PARD6G: variants seen among roughly 807,000 people sequenced by gnomAD.
PARD6G encodes par-6 family cell polarity regulator gamma.
PARD6G carries 7 observed loss-of-function variants against 10.7 expected under a neutral mutation model. The ratio of observed to expected loss-of-function variants is 0.66; its 90% CI spans 0.37 to 1.23. The LOEUF (loss-of-function observed/expected upper bound fraction) is 1.23. Among genes scored for constraint, PARD6G ranks in the 50% most tolerant of loss-of-function variants. The pLI is 0.02. For missense variants in PARD6G, 548 were observed against 571.8 expected (o/e 0.96, Z 0.42); for synonymous variants, 287 against 269.4 (o/e 1.07, Z -0.64).
At chr18:80,224,569 C>A (rs973681314) in intron 1 of PARD6G, among the ~76,000 whole-genome samples, 1 of 152,140 alleles carries the variant, frequency 6.6e-6, no homozygotes, top group Non-Finnish European at 1.5e-5. Flanking sequence ...CGTCCAAGGC[C>A]GGGTGCGGTG....
In PARD6G at chr18:80,231,847, C is replaced by T. The variant is rs1967361352; in HGVS notation, c.72+15430G>A. On this transcript the variant is annotated intron_variant, in intron 1 of 2. Transcript: ENST00000353265. This position sits in a 1 kb window ranked among gnomAD's most constrained non-coding sequence, Gnocchi z 4.2. Reference sequence around the variant, plus strand: ...TGGCTGCCGAGCCCTTCTCAAAAACCCAAAGTTGCAAGCACAGTAAAGGCA... The same window carrying T: ...TGGCTGCCGAGCCCTTCTCAAAAACTCAAAGTTGCAAGCACAGTAAAGGCA... Among the ~76,000 whole-genome samples, 1 of 152,096 alleles carries T rather than the reference C, an allele frequency of 6.6e-6. No individual in the cohort carries two copies.
At position 80,201,899 on chromosome 18, in the gene PARD6G, C is replaced by T. The variant is rs1207911146; in HGVS notation, c.295+811G>A. 6.6e-6 allele frequency: 1 copy of T among 152,262 alleles called. No homozygotes were observed. The highest frequency in any genetic ancestry group is 1.5e-5 in the Non-Finnish European group (1 of 68,070). The allele number at this position is 152,262 out of a possible 1,614,324, so 9.4% of individuals were successfully genotyped here. ...TCAGCCTTTCCTCCGGGAAACCTCT[C>T]CTAGCTGTCCCAGAGACTCTGGCAG... On this transcript the variant is annotated intron_variant, in intron 2 of 2. Transcript: ENST00000353265. The surrounding 1 kb of genome is among the most constrained non-coding windows in gnomAD (Gnocchi z 5.9).
intron 1 of PARD6G, among the ~76,000 whole-genome samples, chr18:80,210,640 C>T (rs563126179): frequency 5.7e-4 from 86 of 152,152 alleles, no homozygotes; most frequent in Non-Finnish European, 1.0e-3. Context: ...CTAATATGAT[C>T]AAAGTTTAAA....
intron 2 of PARD6G, chr18:80,177,972 T>TACACACACACACACACACACACACACAC (rs3028716): frequency 6.6e-6 from 1 of 151,938 alleles, no homozygotes. Flanking sequence ...AGCGTGTGCA[T>TACACACACACACACACACACACACACAC]ACACACACAC....
At position 80,200,677 on chromosome 18, in the gene PARD6G, C is replaced by G. The variant is rs1966999573; in HGVS notation, c.295+2033G>C. Among the ~76,000 whole-genome samples the G allele has an allele frequency of 6.6e-6, 1 of 152,174 alleles. No individual in the cohort carries two copies. The highest frequency in any genetic ancestry group is 2.1e-4 in the South Asian group (1 of 4,822). ...TGAGCCAGCTAGTTAAACTGGGCTA[C>G]TACTCTGAGGGCAGAGGAAGAAGGA... On this transcript the variant is annotated intron_variant, in intron 2 of 2. Transcript: ENST00000353265. This position sits in a 1 kb window ranked among gnomAD's most constrained non-coding sequence, Gnocchi z 4.4.
chr18:80,160,550 G>A lies in PARD6G; in HGVS notation c.352C>T (p.Leu118=). Residue 118 remains leucine (L), a synonymous_variant, in exon 3 of 3, where the codon CTG becomes TTG. Coordinates refer to ENST00000353265, the MANE Select transcript of PARD6G (RefSeq NM_032510.4). ...AGSLCRRRRA[L]GALRDEGPRR... ...GGTCCTTCATCACGCAGCGCGCCCAGCGCCCGCCTCCGCCTGCACAGCGAG... is the reference window on the plus strand; with the variant it reads ...GGTCCTTCATCACGCAGCGCGCCCAACGCCCGCCTCCGCCTGCACAGCGAG... The A allele has an allele frequency of 6.7e-7, 1 of 1,488,760 alleles. No homozygotes were observed. Among genetic ancestry groups the A allele is most frequent in the Non-Finnish European group, 8.9e-7 (1 of 1,122,172 alleles). 92.2% of individuals were successfully genotyped at this position (1,488,760 alleles called of 1,614,324 possible). A position where few individuals can be genotyped will look rare whatever the true frequency, so the allele number is the denominator to read the frequency against.
rs1001986456 is a variant in PARD6G, at chr18:80,188,251, C to A, written c.295+14459G>T. On this transcript the variant is annotated intron_variant, in intron 2 of 2. Coordinates refer to ENST00000353265, the MANE Select transcript of PARD6G (RefSeq NM_032510.4). This position sits in a 1 kb window ranked among gnomAD's most constrained non-coding sequence, Gnocchi z 5.4. Reference sequence around the variant, plus strand: ...GGTCCCATGGCTGGCCCCACCCTGGCCTCTCCCTAAGGGCGTGGAGGTGGC... The same window carrying A: ...GGTCCCATGGCTGGCCCCACCCTGGACTCTCCCTAAGGGCGTGGAGGTGGC... Among the ~76,000 whole-genome samples the A allele has an allele frequency of 2.0e-5, 3 of 152,180 alleles. No individual in the cohort carries two copies. Among genetic ancestry groups the A allele is most frequent in the African/African-American group, 7.2e-5 (3 of 41,438 alleles).
chr18:80,169,567 AC>A (rs2052760727), intron 2 of PARD6G: 1 of 152,208 alleles, frequency 6.6e-6, no homozygotes, highest in African/African-American at 2.4e-5. Context: ...GGTCCTCTTC[AC>A]AGCCACTCCC....
intron 1 of PARD6G, among the ~76,000 whole-genome samples, chr18:80,205,390 C>T (rs1242735394): frequency 6.6e-6 from 1 of 152,186 alleles, no homozygotes. Context: ...TCTCACATAG[C>T]TCATATATAC....
At chr18:80,204,701 C>T (rs1419824890) in intron 1 of PARD6G, among the ~76,000 whole-genome samples, 1 of 151,904 alleles carries the variant, frequency 6.6e-6, no homozygotes, top group African/African-American at 2.4e-5. Context: ...GTAATCCCAG[C>T]AGTTTGGGAG....
chr18:80,234,132 G>A (rs901364970), intron 1 of PARD6G, among the ~76,000 whole-genome samples: 13 of 152,090 alleles, frequency 8.5e-5, no homozygotes, highest in African/African-American at 1.4e-4. Context: ...GTTCAGGCAC[G>A]TTTTCCAAGA....
At chr18:80,236,480 T>C (rs1393049680) in intron 1 of PARD6G, among the ~76,000 whole-genome samples, 1 of 152,136 alleles carries the variant, frequency 6.6e-6, no homozygotes, top group East Asian at 1.9e-4. Context: ...CTATTCAACA[T>C]AGTGTTGGAA....
intron 2 of PARD6G, chr18:80,169,780 G>T (rs1355086603): frequency 6.6e-6 from 1 of 152,244 alleles, no homozygotes; most frequent in Admixed American, 6.5e-5. Context: ...CTTGATTTCA[G>T]GAGATGAGTG....
intron 1 of PARD6G, among the ~76,000 whole-genome samples, chr18:80,232,909 C>T (rs1001752597): frequency 1.3e-5 from 2 of 152,232 alleles, no homozygotes; most frequent in African/African-American, 4.8e-5. Context: ...GCTACCAGCT[C>T]ATGGTGCAGG....
chr18:80,211,579 G>A (rs193130518), intron 1 of PARD6G, among the ~76,000 whole-genome samples: 134 of 152,272 alleles, frequency 8.8e-4, no homozygotes, highest in African/African-American at 3.0e-3. Flanking sequence ...TAAAATAACC[G>A]AAGGTGGAAT....
chr18:80,159,961 T>G lies in PARD6G; in HGVS notation c.941A>C (p.Gln314Pro). The G allele has an allele frequency of 6.7e-7, 1 of 1,496,090 alleles. No homozygotes were observed. The highest frequency in any genetic ancestry group is 8.8e-7 in the Non-Finnish European group (1 of 1,133,196). 92.7% of individuals were successfully genotyped at this position (1,496,090 alleles called of 1,614,324 possible). A position where few individuals can be genotyped will look rare whatever the true frequency, so the allele number is the denominator to read the frequency against. The change falls in exon 3 of 3, where the codon CAG becomes CCG. Residue 314 changes from glutamine (Q) to proline (P), a missense_variant. By Grantham distance (76) the Gln-to-Pro change is moderately conservative. Transcript: ENST00000353265. Reference sequence around the variant, plus strand: ...GCTGCCTGCGGGCGCGCCCGGGGTCTGGGGGGGACGTGCAGGCTCCAGTGT... The same window carrying G: ...GCTGCCTGCGGGCGCGCCCGGGGTCGGGGGGGGACGTGCAGGCTCCAGTGT... The part of the protein sequence containing the change: ...EGTLEPARPP[Q>P]TPGAPAGSLS...
intron 1 of PARD6G, among the ~76,000 whole-genome samples, chr18:80,224,981 C>G (rs1280988816): frequency 1.3e-5 from 2 of 152,146 alleles, no homozygotes; most frequent in African/African-American, 4.8e-5. Context: ...TGGCCCAGTG[C>G]TCCAACTGTG....
At position 80,228,200 on chromosome 18, in the gene PARD6G, C is replaced by G. The variant is rs1037003701; in HGVS notation, c.72+19077G>C. 1.2e-4 allele frequency among the ~76,000 whole-genome samples: 18 copies of G among 152,150 alleles called. No individual in the cohort carries two copies. Among genetic ancestry groups the G allele is most frequent in the Non-Finnish European group, 1.8e-4 (12 of 68,014 alleles). On this transcript the variant is annotated intron_variant, in intron 1 of 2. Coordinates refer to ENST00000353265, the MANE Select transcript of PARD6G (RefSeq NM_032510.4). The surrounding 1 kb of genome is among the most constrained non-coding windows in gnomAD (Gnocchi z 4.6). ...TGAGCACAGCTGGAAAAGGGCCCGACCTGGTGCTCAGGAAGTCACATCCCA... is the reference window on the plus strand; with the variant it reads ...TGAGCACAGCTGGAAAAGGGCCCGAGCTGGTGCTCAGGAAGTCACATCCCA...
intron 2 of PARD6G, among the ~76,000 whole-genome samples, chr18:80,199,920 C>T (rs1463623279): frequency 2.0e-5 from 3 of 152,218 alleles, no homozygotes; most frequent in African/African-American, 7.2e-5. Context: ...GCTGGGATTA[C>T]AGGCGTGAGC....
Sources: gnomAD v4.1 joint callset for allele counts (sites outside exome capture counted in the v4.1 genomes callset) on GRCh38, gnomAD v4.1.1 for gene constraint, Gnocchi (gnomAD v3.1) non-coding constraint, MANE v1.5 for transcripts, NCBI Gene and HGNC (gene_info 2026-07-23, HGNC 2026-07-21) for gene names.